The following AKAP12 variants were observed in gnomAD, a reference collection of about 807,000 sequenced individuals.
AKAP12 encodes A-kinase anchoring protein 12.
Under a neutral mutation model 79.9 loss-of-function variants are expected in AKAP12, and 32 were observed. That is an observed-to-expected ratio of 0.40 (90% CI 0.30 to 0.54). AKAP12 has a LOEUF of 0.54. Ranked by LOEUF, AKAP12 falls within the 20% of genes least tolerant of loss-of-function variation. AKAP12 has a pLI of 0.48. For missense variants in AKAP12, 2,074 were observed against 2,177.0 expected, an observed-to-expected ratio of 0.95 and a Z score of 0.94; for synonymous variants, 808 against 857.0, an observed-to-expected ratio of 0.94 and a Z score of 1.00.
At chr6:151,346,955 T>C (rs1317761369) in intron 3 of AKAP12, among the ~76,000 whole-genome samples, 1 of 152,256 alleles carries the variant, frequency 6.6e-6, no homozygotes, top group Non-Finnish European at 1.5e-5. Context: ...TCACTCTCGA[T>C]TCATGGATTC....
intron 3 of AKAP12, among the ~76,000 whole-genome samples, chr6:151,307,266 A>T (rs1270375821): frequency 6.6e-6 from 1 of 152,204 alleles, no homozygotes; most frequent in Non-Finnish European, 1.5e-5. Context: ...GAAGTAGGTG[A>T]TATTGTTCCC....
chr6:151,273,987 C>T (rs546270111), intron 2 of AKAP12, among the ~76,000 whole-genome samples: 3 of 151,404 alleles, frequency 2.0e-5, no homozygotes, highest in African/African-American at 7.3e-5. Flanking sequence ...CGAGATTGCA[C>T]CACTGCACTC....
rs1224279679 is a variant in AKAP12, at chr6:151,352,591, A to T, written c.4200A>T (p.Leu1400=). 1.2e-6 allele frequency: 2 copies of T among 1,614,196 alleles called. No individual in the cohort carries two copies. Among genetic ancestry groups the T allele is most frequent in the Non-Finnish European group, 1.7e-6 (2 of 1,180,036 alleles). ...TGGAAGGAAGCCCTCCTCCCTGCCT[A>T]GGTCAAGAGGAGGCAGTATGCACCA... ...SSLEGSPPPC[L]GQEEAVCTKI... The change falls in exon 4 of 5, where the codon CTA becomes CTT. Residue 1400 remains leucine, a synonymous_variant. Transcript: ENST00000402676.
At chr6:151,333,165 C>T (rs989184243) in intron 3 of AKAP12, among the ~76,000 whole-genome samples, 1 of 152,068 alleles carries the variant, frequency 6.6e-6, no homozygotes, top group East Asian at 1.9e-4. Context: ...AGCGCCCTAA[C>T]GGAAAGCTGT....
In AKAP12 at chr6:151,302,407, G is replaced by A. The variant is rs1776882130; in HGVS notation, c.163-3340G>A. Reference sequence around the variant, plus strand: ...ACTTTTGGGCTCAAGCAATCCTCCTGCCTCAGTCTCCTAAGTGCTGGGACT... The same window carrying A: ...ACTTTTGGGCTCAAGCAATCCTCCTACCTCAGTCTCCTAAGTGCTGGGACT... On this transcript the variant is annotated intron_variant, in intron 2 of 4. Coordinates refer to ENST00000402676, the MANE Select transcript of AKAP12 (RefSeq NM_005100.4). Among the ~76,000 whole-genome samples the A allele has an allele frequency of 2.0e-5, 3 of 152,090 alleles. No homozygotes were observed. In the South Asian group the frequency reaches 6.2e-4, roughly 32 times the overall value.
chr6:151,260,441 C>T (rs1304850312), intron 2 of AKAP12, among the ~76,000 whole-genome samples: 1 of 152,164 alleles, frequency 6.6e-6, no homozygotes, highest in Non-Finnish European at 1.5e-5. Flanking sequence ...AGATGTCTCT[C>T]ATTATTAACT....
intron 2 of AKAP12, among the ~76,000 whole-genome samples, chr6:151,254,592 C>T (rs1273885999): frequency 8.5e-5 from 13 of 152,072 alleles, no homozygotes; most frequent in African/African-American, 2.4e-4. Flanking sequence ...CCACCCACCT[C>T]GGCCTTCCAA....
intron 2 of AKAP12, among the ~76,000 whole-genome samples, chr6:151,287,101 G>C (rs1037571064): frequency 6.6e-6 from 1 of 151,604 alleles, no homozygotes; most frequent in Admixed American, 6.6e-5. Context: ...CACCATGCCC[G>C]GCTAATTTTT....
intron 2 of AKAP12, among the ~76,000 whole-genome samples, chr6:151,297,616 C>G (rs1562726493): frequency 6.6e-6 from 1 of 151,056 alleles, no homozygotes. Context: ...TTTTCTCTTC[C>G]TGTGTGCAAG....
chr6:151,323,665 T>G lies in AKAP12; in HGVS notation c.319+17762T>G, dbSNP rs536848158. On this transcript the variant is annotated intron_variant, in intron 3 of 4. Coordinates refer to ENST00000402676, the MANE Select transcript of AKAP12 (RefSeq NM_005100.4). Reference sequence around the variant, plus strand: ...TACAGTGACCTTTGAAAATGTTGTTTAGGGTATTAAATGTGTAACTAGTGA... The same window carrying G: ...TACAGTGACCTTTGAAAATGTTGTTGAGGGTATTAAATGTGTAACTAGTGA... The G allele has an allele frequency of 3.6e-4, 348 of 976,258 alleles. 3 individuals carry two copies. The African/African-American group carries it at 5.2e-3, about 15-fold the overall frequency. 60.5% of individuals were successfully genotyped at this position (976,258 alleles called of 1,614,324 possible).
Position 151,240,509 on chromosome 6 carries a change from G to A in AKAP12, c.-54G>A. 1 of 1,376,468 alleles carries A rather than the reference G, an allele frequency of 7.3e-7. No homozygotes were observed. Among genetic ancestry groups the A allele is most frequent in the Non-Finnish European group, 9.3e-7 (1 of 1,072,354 alleles). The allele number at this position is 1,376,468 out of a possible 1,614,324, so 85.3% of individuals were successfully genotyped here. A position where few individuals can be genotyped will look rare whatever the true frequency, so the allele number is the denominator to read the frequency against. Reference sequence around the variant, plus strand: ...TTTTGGCTCTTGCCCCTGTCCCTGCGGCTTGGGGAAGGCGTAACCCGGCGG... The same window carrying A: ...TTTTGGCTCTTGCCCCTGTCCCTGCAGCTTGGGGAAGGCGTAACCCGGCGG... On this transcript the variant is annotated 5_prime_UTR_variant, in exon 2 of 5. Transcript: ENST00000402676.
At chr6:151,313,945 A>C (rs1777178119) in intron 3 of AKAP12, among the ~76,000 whole-genome samples, 1 of 152,188 alleles carries the variant, frequency 6.6e-6, no homozygotes, top group African/African-American at 2.4e-5. Context: ...GCTAATGAAG[A>C]CACCCAAGCG....
At chr6:151,345,915 G>A in intron 3 of AKAP12, among the ~76,000 whole-genome samples, 1 of 139,856 alleles carries the variant, frequency 7.2e-6, no homozygotes, top group Non-Finnish European at 1.5e-5. Flanking sequence ...GTGTGTGTGT[G>A]TGTGTGTGTG....
intron 2 of AKAP12, among the ~76,000 whole-genome samples, chr6:151,243,394 C>CT (rs1797015050): frequency 6.6e-6 from 1 of 152,138 alleles, no homozygotes; most frequent in Admixed American, 6.5e-5. Context: ...ATTGGATTTA[C>CT]TTTCCTTTTT....
intron 1 of AKAP12, 121 bp from the exon 2 acceptor site, chr6:151,240,263 G>T: frequency 3.9e-6 from 1 of 255,300 alleles, no homozygotes; most frequent in Non-Finnish European, 7.4e-6. Context: ...GCAGCCTGGG[G>T]GCAGATGCTG....
chr6:151,325,943 A>C, intron 3 of AKAP12: 1 of 1,613,498 alleles, frequency 6.2e-7, no homozygotes, highest in Non-Finnish European at 8.5e-7. Context: ...GGGGCACGAA[A>C]AGGGGCTTTC....
chr6:151,351,463 G>C lies in AKAP12; in HGVS notation c.3072G>C (p.Glu1024Asp), dbSNP rs370631860. ...DTTEEATPVQ[E>D]VEGGVPDIEE... ...CAGAGGAGGCCACTCCGGTGCAGGA[G>C]GTGGAAGGTGGCGTACCTGACATAG... Residue 1024 changes from glutamate (E) to aspartate (D), a missense_variant, in exon 4 of 5, where the codon GAG (glutamate) becomes GAC (aspartate). This residue lies in a region of AKAP12 where 1,428 missense variants were observed against 1,451.0 expected (regional missense o/e 0.98). Coordinates refer to ENST00000402676, the MANE Select transcript of AKAP12 (RefSeq NM_005100.4). The surrounding 1 kb of genome is among the most constrained non-coding windows in gnomAD (Gnocchi z 4.4). The C allele has an allele frequency of 6.2e-7, 1 of 1,614,198 alleles. No homozygotes were observed. Among genetic ancestry groups the C allele is most frequent in the Non-Finnish European group, 8.5e-7 (1 of 1,180,046 alleles).
At position 151,352,500 on chromosome 6, in the gene AKAP12, T is replaced by A; in HGVS notation, c.4109T>A (p.Val1370Asp). ...ACAGCTGTTACCGTATCTGAAGAGG[T>A]CAGTAAGCAGCTCCTCCAGACAGTG... Reference protein sequence around the residue: ...HETAVTVSEEVSKQLLQTVNV... With the variant: ...HETAVTVSEEDSKQLLQTVNV... Residue 1370 changes from valine to aspartate, a missense_variant, in exon 4 of 5, where the codon GTC becomes GAC. By Grantham distance (152) the Val-to-Asp change is radical (BLOSUM62 -3). Around this residue, in one of 3 missense-constraint regions of AKAP12, gnomAD observed 614 missense variants for 665.6 expected, o/e 0.92. Transcript: ENST00000402676. 1 of 1,613,774 alleles carries A rather than the reference T, an allele frequency of 6.2e-7. No individual in the cohort carries two copies.
At chr6:151,257,579 G>A (rs1797327166) in intron 2 of AKAP12, among the ~76,000 whole-genome samples, 1 of 152,212 alleles carries the variant, frequency 6.6e-6, no homozygotes, top group Non-Finnish European at 1.5e-5. Flanking sequence ...TTATAGGCGT[G>A]AGCCACTGCA....
Sources: gnomAD v4.1 joint callset for allele counts (sites outside exome capture counted in the v4.1 genomes callset) on GRCh38, gnomAD v4.1.1 for gene constraint, gnomAD v4.1.1 regional missense constraint, Gnocchi (gnomAD v3.1) non-coding constraint, MANE v1.5 for transcripts, NCBI Gene and HGNC (gene_info 2026-07-23, HGNC 2026-07-21) for gene names.